The following DOCK4 variants were observed in gnomAD, a reference collection of about 807,000 sequenced individuals.
DOCK4 encodes the protein dedicator of cytokinesis protein 4.
In DOCK4, 97 loss-of-function variants were observed where a neutral mutation model predicts 268.1. The observed-to-expected ratio is 0.36, with a 90% CI of 0.31 to 0.43. DOCK4 has a LOEUF of 0.43. DOCK4 is among the 20% of genes least tolerant of loss of function. The pLI, the probability that DOCK4 is intolerant of heterozygous loss-of-function variation, is 1.00. For missense variants in DOCK4, 2,145 were observed against 2,455.7 expected, an observed-to-expected ratio of 0.87 and a Z score of 2.67; for synonymous variants, 954 against 887.2, an observed-to-expected ratio of 1.08 and a Z score of -1.34.
rs186078576 is a variant in DOCK4, at chr7:111,927,961, C to A, written c.1066+7579G>T. 4.1e-4 allele frequency among the ~76,000 whole-genome samples: 63 copies of A among 152,282 alleles called. 1 individual carries two copies. Among genetic ancestry groups the A allele is most frequent in the African/African-American group, 1.5e-3 (61 of 41,554 alleles). On this transcript the variant is annotated intron_variant, in intron 12 of 52. Transcript: ENST00000428084. Reference sequence around the variant, plus strand: ...GCAGAGAAGAACCTGAATAAACAGGCCTTCCTAAGTTTCTCCCAGTTTATT... The same window carrying A: ...GCAGAGAAGAACCTGAATAAACAGGACTTCCTAAGTTTCTCCCAGTTTATT...
At chr7:111,777,110 C>T (rs766121785) in intron 36 of DOCK4, among the ~76,000 whole-genome samples, 7 of 152,170 alleles carry the variant, frequency 4.6e-5, no homozygotes, top group Non-Finnish European at 1.0e-4. Context: ...TGAGCCACCA[C>T]GTCTGGCCTT....
chr7:112,012,568 G>C (rs190217089), intron 1 of DOCK4, among the ~76,000 whole-genome samples: 2 of 152,188 alleles, frequency 1.3e-5, no homozygotes, highest in South Asian at 4.1e-4. Context: ...GTTACAGAAG[G>C]CAACTGCTTT....
chr7:112,043,664 G>A (rs1340769215), intron 1 of DOCK4, among the ~76,000 whole-genome samples: 1 of 151,930 alleles, frequency 6.6e-6, no homozygotes, highest in Non-Finnish European at 1.5e-5. Flanking sequence ...ACAAGCACCA[G>A]TAGATGCGAA....
At chr7:111,926,927 G>A (rs911272346) in intron 12 of DOCK4, among the ~76,000 whole-genome samples, 1 of 151,720 alleles carries the variant, frequency 6.6e-6, no homozygotes, top group Non-Finnish European at 1.5e-5. Context: ...GAAAAAGAAC[G>A]GAGGAAGGAA....
chr7:111,746,197 T>C, intron 44 of DOCK4, 137 bp downstream of exon 44: 1 of 611,058 alleles, frequency 1.6e-6, no homozygotes, highest in East Asian at 2.9e-5. Context: ...CAAGCTGGGA[T>C]ATATTACAGG....
intron 1 of DOCK4, among the ~76,000 whole-genome samples, chr7:112,101,056 T>C: frequency 6.6e-6 from 1 of 152,040 alleles, no homozygotes; most frequent in East Asian, 1.9e-4. Flanking sequence ...TGGGGGTGTG[T>C]TATGGAAGGA....
At chr7:111,774,577 A>G (rs1297758872) in intron 36 of DOCK4, among the ~76,000 whole-genome samples, 1 of 152,124 alleles carries the variant, frequency 6.6e-6, no homozygotes, top group African/African-American at 2.4e-5. Context: ...TGGTGAGAGA[A>G]AGAGAAGAAA....
At chr7:111,739,889 G>A in intron 47 of DOCK4, 1 of 303,744 alleles carries the variant, frequency 3.3e-6, no homozygotes, top group Non-Finnish European at 6.5e-6. Flanking sequence ...CCTTTCCAAA[G>A]ATAGTGGTGA....
At chr7:112,080,083 T>TA (rs1808442148) in intron 1 of DOCK4, among the ~76,000 whole-genome samples, 1 of 152,068 alleles carries the variant, frequency 6.6e-6, no homozygotes, top group Non-Finnish European at 1.5e-5. Context: ...TTAGAAAAAT[T>TA]TAAAAAAATA....
intron 1 of DOCK4, among the ~76,000 whole-genome samples, chr7:112,039,498 ACATTAT>A (rs1452330946): frequency 6.6e-6 from 1 of 151,812 alleles, no homozygotes; most frequent in African/African-American, 2.4e-5. Context: ...TTGTTTTTAT[ACATTAT>A]ACTTATCCTT....
At chr7:111,784,343 A>T (rs1799014753) in intron 32 of DOCK4, 2 of 696,052 alleles carry the variant, frequency 2.9e-6, no homozygotes, top group Non-Finnish European at 5.2e-6. Context: ...GTTTACTTTT[A>T]AGCAAGATCT....
Position 112,037,248 on chromosome 7 carries a change from CTAAGA to C in DOCK4, c.38-33122_38-33118del, listed in dbSNP as rs553867758. ...CTGAGCACGTTTAAGGCAGGCTAGG[CTAAGA>C]TAAGATGTTCAGTAAGTTAGGTGTA... On this transcript the variant is annotated intron_variant, in intron 1 of 52. Transcript: ENST00000428084. 1.5e-3 allele frequency among the ~76,000 whole-genome samples: 227 copies of C among 152,210 alleles called. 2 individuals are homozygous for C. Among genetic ancestry groups the C allele is most frequent in the African/African-American group, 5.2e-3 (217 of 41,522 alleles).
chr7:111,853,882 A>G (rs1196370950), intron 23 of DOCK4, among the ~76,000 whole-genome samples: 1 of 151,632 alleles, frequency 6.6e-6, no homozygotes, highest in Admixed American at 6.6e-5. Context: ...TTCCAATAAG[A>G]TTTTTTTAAA....
At chr7:111,869,271 C>A (rs1212492757) in intron 21 of DOCK4, among the ~76,000 whole-genome samples, 3 of 152,094 alleles carry the variant, frequency 2.0e-5, no homozygotes, top group Non-Finnish European at 4.4e-5. Flanking sequence ...AGCTTAACTG[C>A]CCCATATAGA....
chr7:112,055,661 A>G (rs1225623847), intron 1 of DOCK4, among the ~76,000 whole-genome samples: 2 of 152,034 alleles, frequency 1.3e-5, no homozygotes, highest in African/African-American at 4.8e-5. Context: ...TAATCCCAGC[A>G]CTCTGGGAGG....
chr7:111,879,028 C>A lies in DOCK4; in HGVS notation c.1588-1842G>T, dbSNP rs150077836. Among the ~76,000 whole-genome samples, 30 of 152,070 alleles carry A rather than the reference C, an allele frequency of 2.0e-4. No individual in the cohort carries two copies. The East Asian group carries it at 5.8e-3, about 30-fold the overall frequency. On this transcript the variant is annotated intron_variant, in intron 16 of 52. Coordinates refer to ENST00000428084, the MANE Select transcript of DOCK4 (RefSeq NM_001363540.2). ...AATAGTAAATCTGGCACAATCCCTCCCCCAACCCCAGGCAGTGCAGCTTGC... is the reference window on the plus strand; with the variant it reads ...AATAGTAAATCTGGCACAATCCCTCACCCAACCCCAGGCAGTGCAGCTTGC...
At chr7:111,847,581 G>C (rs1195192285) in intron 23 of DOCK4, among the ~76,000 whole-genome samples, 2 of 152,122 alleles carry the variant, frequency 1.3e-5, no homozygotes, top group African/African-American at 2.4e-5. Flanking sequence ...CTTGGTGGGA[G>C]ATAATTGAAT....
chr7:111,755,044 G>A (rs1397728651), intron 42 of DOCK4, among the ~76,000 whole-genome samples: 2 of 152,186 alleles, frequency 1.3e-5, no homozygotes, highest in Non-Finnish European at 2.9e-5. Flanking sequence ...CTGGGTTGGA[G>A]TCTCTCTTCA....
chr7:111,832,483 A>T (rs972044061), intron 26 of DOCK4, among the ~76,000 whole-genome samples: 2 of 152,180 alleles, frequency 1.3e-5, no homozygotes, highest in African/African-American at 4.8e-5. Flanking sequence ...CCTGAATGGC[A>T]GATGAAGTAA....
Sources: gnomAD v4.1 joint callset for allele counts (sites outside exome capture counted in the v4.1 genomes callset) on GRCh38, gnomAD v4.1.1 for gene constraint, MANE v1.5 for transcripts, NCBI Gene and HGNC (gene_info 2026-07-23, HGNC 2026-07-21) for gene names.